The following TMEFF2 variants were observed in gnomAD, a reference collection of about 807,000 sequenced individuals.
TMEFF2 encodes the protein transmembrane protein with EGF like and two follistatin like domains 2.
A neutral mutation model predicts 53.8 loss-of-function variants in TMEFF2; 28 were observed. The ratio of observed to expected loss-of-function variants is 0.52; its 90% CI spans 0.39 to 0.71. The LOEUF (loss-of-function observed/expected upper bound fraction) is 0.71. Ranked by LOEUF, TMEFF2 falls within the 30% of genes least tolerant of loss-of-function variation. The pLI, the probability that TMEFF2 is intolerant of heterozygous loss-of-function variation, is 0.00. For missense variants in TMEFF2, 353 were observed against 455.2 expected, an observed-to-expected ratio of 0.78 and a Z score of 2.04; for synonymous variants, 162 against 166.3, an observed-to-expected ratio of 0.97 and a Z score of 0.20.
intron 7 of TMEFF2, among the ~76,000 whole-genome samples, chr2:191,973,115 T>A (rs1354096044): frequency 6.6e-6 from 1 of 152,080 alleles, no homozygotes; most frequent in Non-Finnish European, 1.5e-5. Flanking sequence ...AAGGAAAAAA[T>A]TAGACTATGC....
chr2:191,972,157 T>G (rs929026923), intron 7 of TMEFF2, among the ~76,000 whole-genome samples: 24 of 151,502 alleles, frequency 1.6e-4, no homozygotes, highest in African/African-American at 4.1e-4. Context: ...TGTTTTTTTT[T>G]TTTTTTAGAC....
rs1426304304 is a variant in TMEFF2 at position 192,018,974 on chromosome 2, T to G, written c.537-19766A>C. ...ATATTATTATACAATATTATTATTC[T>G]CAATTACACACATTCAGACAACATC... On this transcript the variant is annotated intron_variant, in intron 5 of 9. Coordinates refer to ENST00000272771, the MANE Select transcript of TMEFF2 (RefSeq NM_016192.4). Among the ~76,000 whole-genome samples, 6 of 152,174 alleles carry G rather than the reference T, an allele frequency of 3.9e-5. No homozygotes were observed. In the East Asian group the frequency reaches 1.2e-3, roughly 29 times the overall value.
chr2:192,125,249 A>G (rs1418016020), intron 4 of TMEFF2, among the ~76,000 whole-genome samples: 2 of 152,200 alleles, frequency 1.3e-5, no homozygotes. Flanking sequence ...ACTAGAAGTG[A>G]GATCTTAAAA....
chr2:191,980,159 AGAT>A (rs1685821258), intron 7 of TMEFF2, among the ~76,000 whole-genome samples: 1 of 152,210 alleles, frequency 6.6e-6, no homozygotes, highest in African/African-American at 2.4e-5. Flanking sequence ...TTATGAGAAA[AGAT>A]GACATAAAAT....
At chr2:191,964,824 C>T (rs1692424204) in intron 7 of TMEFF2, among the ~76,000 whole-genome samples, 1 of 152,098 alleles carries the variant, frequency 6.6e-6, no homozygotes, top group African/African-American at 2.4e-5. Context: ...CTAGTAGTCT[C>T]TTCTCAGGCC....
chr2:192,121,452 G>A (rs544165189), intron 4 of TMEFF2, among the ~76,000 whole-genome samples: 4 of 152,296 alleles, frequency 2.6e-5, no homozygotes, highest in South Asian at 2.1e-4. Context: ...AGAAGGAGGG[G>A]AAGGAGGAGG....
chr2:191,959,562 T>C (rs1574244816), intron 7 of TMEFF2, among the ~76,000 whole-genome samples: 1 of 152,152 alleles, frequency 6.6e-6, no homozygotes, highest in Non-Finnish European at 1.5e-5. Flanking sequence ...GTTAAGTGGG[T>C]AGAAAGGGGG....
chr2:192,129,444 A>T (rs1689758568), intron 4 of TMEFF2, among the ~76,000 whole-genome samples: 1 of 152,044 alleles, frequency 6.6e-6, no homozygotes, highest in Non-Finnish European at 1.5e-5. Context: ...GGGCCATCCA[A>T]GGAAAAAAGA....
At chr2:192,050,223 A>C (rs1687733941) in intron 5 of TMEFF2, among the ~76,000 whole-genome samples, 2 of 152,206 alleles carry the variant, frequency 1.3e-5, no homozygotes, top group Admixed American at 6.5e-5. Flanking sequence ...AGAATTCTTT[A>C]TCCCCATATT....
intron 2 of TMEFF2, among the ~76,000 whole-genome samples, chr2:192,186,410 G>C (rs142945723): frequency 6.6e-6 from 1 of 152,310 alleles, no homozygotes; most frequent in African/African-American, 2.4e-5. Context: ...GCTCATGCCA[G>C]AACTGTGGCC....
Position 192,193,761 on chromosome 2 carries a change from TAGAGAGAGAGAGAG to T in TMEFF2, c.172+578_172+591del, listed in dbSNP as rs530141565. 4.6e-3 allele frequency among the ~76,000 whole-genome samples: 222 copies of T among 47,862 alleles called. 1 individual carries two copies. The highest frequency in any genetic ancestry group is 0.014 in the African/African-American group (199 of 14,446). The allele number at this position is 47,862 out of a possible 152,430, so 31.4% of individuals were successfully genotyped here. On this transcript the variant is annotated intron_variant, in intron 1 of 9. Transcript: ENST00000272771. Reference sequence around the variant, plus strand: ...TGAGAGAGAGAGAGAGATAGATAGATAGAGAGAGAGAGAGAGAGAGAGAGAGAGAGAGAGAGAGA... The same window carrying T: ...TGAGAGAGAGAGAGAGATAGATAGATAGAGAGAGAGAGAGAGAGAGAGAGA...
chr2:192,148,901 AT>A lies in TMEFF2; in HGVS notation c.439+30766del, dbSNP rs958278002. 8.0e-4 allele frequency among the ~76,000 whole-genome samples: 122 copies of A among 152,050 alleles called. 1 individual carries two copies. Among genetic ancestry groups the A allele is most frequent in the Middle Eastern group, 6.8e-3 (2 of 294 alleles). On this transcript the variant is annotated intron_variant, in intron 4 of 9. Coordinates refer to ENST00000272771, the MANE Select transcript of TMEFF2 (RefSeq NM_016192.4). Reference sequence around the variant, plus strand: ...AAAAGAAGACAAATTCTAAAGTGGAATTTTTTTTAAATTTTTAAACAAATGT... The same window carrying A: ...AAAAGAAGACAAATTCTAAAGTGGAATTTTTTTAAATTTTTAAACAAATGT...
intron 4 of TMEFF2, among the ~76,000 whole-genome samples, chr2:192,094,168 G>A (rs1160688232): frequency 6.6e-6 from 1 of 152,184 alleles, no homozygotes; most frequent in Non-Finnish European, 1.5e-5. Context: ...GAGAAATGTT[G>A]AGATACTTCA....
chr2:192,148,323 CAAT>C lies in TMEFF2; in HGVS notation c.439+31342_439+31344del, dbSNP rs370038328. ...GATCTGAAAGGTTTCATATTTTCCA[CAAT>C]AATATGACTATCACAGAAGGGAAAG... On this transcript the variant is annotated intron_variant, in intron 4 of 9. Transcript: ENST00000272771. Among the ~76,000 whole-genome samples, 361 of 152,080 alleles carry C rather than the reference CAAT, an allele frequency of 2.4e-3. 1 individual carries two copies. The highest frequency in any genetic ancestry group is 8.1e-3 in the African/African-American group (338 of 41,522).
At chr2:191,951,997 AGTATGAGCATGGTG>A (rs1462963473) in intron 9 of TMEFF2, among the ~76,000 whole-genome samples, 4 of 152,170 alleles carry the variant, frequency 2.6e-5, no homozygotes, top group Non-Finnish European at 5.9e-5. Context: ...GACACAGTGC[AGTATGAGCATGGTG>A]AAGTGTCCAG....
intron 4 of TMEFF2, among the ~76,000 whole-genome samples, chr2:192,100,631 G>C (rs920231973): frequency 6.6e-6 from 1 of 152,124 alleles, no homozygotes; most frequent in African/African-American, 2.4e-5. Flanking sequence ...CTTAAGTATA[G>C]AGATAGCCAG....
intron 4 of TMEFF2, among the ~76,000 whole-genome samples, chr2:192,062,054 A>G (rs1417803283): frequency 1.5e-5 from 2 of 137,632 alleles, no homozygotes; most frequent in Non-Finnish European, 3.1e-5. Flanking sequence ...AGCAATGCAA[A>G]TGGACTAACT....
intron 7 of TMEFF2, among the ~76,000 whole-genome samples, chr2:191,989,642 TG>T (rs1327905673): frequency 2.0e-5 from 3 of 152,142 alleles, no homozygotes; most frequent in African/African-American, 7.2e-5. Context: ...TCCACAAGTC[TG>T]AGAGCCATAC....
chr2:192,088,322 C>T (rs1688712773), intron 4 of TMEFF2, among the ~76,000 whole-genome samples: 1 of 152,084 alleles, frequency 6.6e-6, no homozygotes, highest in South Asian at 2.1e-4. Flanking sequence ...TTTACTAACA[C>T]TGACTATTTA....
Sources: gnomAD v4.1 joint callset for allele counts (sites outside exome capture counted in the v4.1 genomes callset) on GRCh38, gnomAD v4.1.1 for gene constraint, MANE v1.5 for transcripts, NCBI Gene and HGNC (gene_info 2026-07-23, HGNC 2026-07-21) for gene names.